Variants in MGAT4C observed in about 807,000 individuals in gnomAD.
The protein encoded by MGAT4C is alpha-1,3-mannosyl-glycoprotein 4-beta-N-acetylglucosaminyltransferase C.
MGAT4C carries 19 observed loss-of-function variants against 40.1 expected under a neutral mutation model. The ratio of observed to expected loss-of-function variants is 0.47; its 90% CI spans 0.33 to 0.70. MGAT4C has a LOEUF of 0.70. Among genes scored for constraint, MGAT4C ranks in the 30% least tolerant of loss-of-function variants. The probability of loss-of-function intolerance (pLI) is 0.02; values close to 1 mark genes in which losing one functional copy is unlikely to be tolerated. For synonymous variants in MGAT4C, 181 were observed against 187.1 expected, an observed-to-expected ratio of 0.97 and a Z score of 0.27; for missense variants, 491 against 563.2, an observed-to-expected ratio of 0.87 and a Z score of 1.30.
intron 1 of MGAT4C, among the ~76,000 whole-genome samples, chr12:86,230,819 G>A (rs1951286068): frequency 6.6e-6 from 1 of 151,630 alleles, no homozygotes; most frequent in Non-Finnish European, 1.5e-5. Flanking sequence ...TTTGTAGCAA[G>A]GATGACTCTG....
At chr12:86,554,742 T>G (rs1284398617) in intron 2 of MGAT4C, among the ~76,000 whole-genome samples, 2 of 152,212 alleles carry the variant, frequency 1.3e-5, no homozygotes, top group Non-Finnish European at 2.9e-5. Flanking sequence ...ATTTCTATAT[T>G]AGCTTTCTAT....
chr12:86,820,263 G>C (rs1003586888), intron 1 of MGAT4C, among the ~76,000 whole-genome samples: 1 of 150,572 alleles, frequency 6.6e-6, no homozygotes, highest in Non-Finnish European at 1.5e-5. Flanking sequence ...TATTTCAAAG[G>C]TTATTTCTTA....
intron 3 of MGAT4C, among the ~76,000 whole-genome samples, chr12:86,404,222 G>A (rs998277711): frequency 1.3e-5 from 2 of 152,070 alleles, no homozygotes; most frequent in Non-Finnish European, 2.9e-5. Flanking sequence ...CTTGGTGCAA[G>A]AGCATTTAAT....
chr12:86,490,224 C>T (rs1958106199), intron 2 of MGAT4C, among the ~76,000 whole-genome samples: 2 of 152,138 alleles, frequency 1.3e-5, no homozygotes, highest in Admixed American at 1.3e-4. Context: ...CAGCGGATCT[C>T]TCGGCAGAAA....
chr12:86,777,949 T>C (rs1471966942), intron 1 of MGAT4C, among the ~76,000 whole-genome samples: 1 of 152,170 alleles, frequency 6.6e-6, no homozygotes, highest in Non-Finnish European at 1.5e-5. Flanking sequence ...ATAATGATAA[T>C]AAATATATTT....
intron 2 of MGAT4C, among the ~76,000 whole-genome samples, chr12:85,998,954 C>T (rs1425954835): frequency 6.6e-6 from 1 of 152,106 alleles, no homozygotes; most frequent in Non-Finnish European, 1.5e-5. Context: ...TTTCACAGTG[C>T]TGATAAAGAC....
At chr12:86,199,533 GT>G (rs1353320947) in intron 1 of MGAT4C, among the ~76,000 whole-genome samples, 2 of 151,942 alleles carry the variant, frequency 1.3e-5, no homozygotes, top group Admixed American at 6.6e-5. Context: ...TAATGTGTGT[GT>G]TTTTTATGTG....
At chr12:86,131,485 A>C (rs1370357704) in intron 1 of MGAT4C, among the ~76,000 whole-genome samples, 1 of 152,122 alleles carries the variant, frequency 6.6e-6, no homozygotes, top group Non-Finnish European at 1.5e-5. Flanking sequence ...TGATCTACAA[A>C]GGGGTATTTT....
At chr12:86,445,889 G>A (rs1427726077) in intron 2 of MGAT4C, among the ~76,000 whole-genome samples, 1 of 152,086 alleles carries the variant, frequency 6.6e-6, no homozygotes, top group East Asian at 1.9e-4. Flanking sequence ...GGTAGACTGA[G>A]TTTAATAACT....
In MGAT4C at chr12:85,956,106, A is replaced by G. The variant is rs899895850; in HGVS notation, c.*23183T>C. 1 of 152,228 alleles carries G rather than the reference A, an allele frequency of 6.6e-6. No homozygotes were observed. The highest frequency in any genetic ancestry group is 1.5e-5 in the Non-Finnish European group (1 of 68,026). The allele number at this position is 152,228 out of a possible 1,614,324, so 9.4% of individuals were successfully genotyped here. ...CGACTGAAATCACTCTTTCAATAAC[A>G]AAAGATATATTTGTATGGTAGCTAG... On this transcript the variant is annotated 3_prime_UTR_variant, in exon 5 of 5. Coordinates refer to ENST00000611864, the MANE Select transcript of MGAT4C (RefSeq NM_001351288.2).
At chr12:86,221,577 G>C (rs1273667449) in intron 1 of MGAT4C, among the ~76,000 whole-genome samples, 4 of 152,102 alleles carry the variant, frequency 2.6e-5, no homozygotes, top group African/African-American at 9.7e-5. Context: ...TGCAATCTAA[G>C]TTAGTATATA....
At chr12:86,364,046 A>G (rs1955540456) in intron 3 of MGAT4C, among the ~76,000 whole-genome samples, 1 of 151,974 alleles carries the variant, frequency 6.6e-6, no homozygotes, top group Admixed American at 6.6e-5. Context: ...CTCTATCTGT[A>G]AAACCAATTG....
chr12:86,445,833 T>G (rs1957324393), intron 2 of MGAT4C, among the ~76,000 whole-genome samples: 1 of 152,158 alleles, frequency 6.6e-6, no homozygotes, highest in Non-Finnish European at 1.5e-5. Flanking sequence ...CAAAAATGGT[T>G]ACATTTTATT....
intron 1 of MGAT4C, among the ~76,000 whole-genome samples, chr12:86,098,492 T>C (rs946306856): frequency 2.0e-5 from 3 of 151,668 alleles, no homozygotes; most frequent in African/African-American, 7.2e-5. Flanking sequence ...CTTCTTTTTG[T>C]GCATTGTTTC....
At chr12:86,597,917 C>A (rs1180775423) in intron 2 of MGAT4C, among the ~76,000 whole-genome samples, 1 of 152,110 alleles carries the variant, frequency 6.6e-6, no homozygotes, top group African/African-American at 2.4e-5. Context: ...TGTAATGGGG[C>A]TGTTACTGTG....
At chr12:86,423,102 C>A (rs1014448519) in intron 3 of MGAT4C, among the ~76,000 whole-genome samples, 1 of 152,032 alleles carries the variant, frequency 6.6e-6, no homozygotes, top group Non-Finnish European at 1.5e-5. Flanking sequence ...ATTTGTTTTG[C>A]AACTCTTTCT....
At chr12:86,089,324 T>C (rs1205422715) in intron 1 of MGAT4C, among the ~76,000 whole-genome samples, 3 of 151,952 alleles carry the variant, frequency 2.0e-5, no homozygotes, top group Non-Finnish European at 4.4e-5. Flanking sequence ...GTATCCTCTA[T>C]CTGTTAATAC....
rs11418542 is a variant in MGAT4C, at chr12:86,744,607, TA to T, written c.-261-17367del. Reference sequence around the variant, plus strand: ...GCTCTCAGCACTTCTCATAATGAGGTAAAAAAAAAATCACAAGTGATTTAGA... The same window carrying T: ...GCTCTCAGCACTTCTCATAATGAGGTAAAAAAAAATCACAAGTGATTTAGA... On this transcript the variant is annotated intron_variant, in intron 1 of 7. Coordinates refer to the MGAT4C transcript ENST00000548651. 3.6e-3 allele frequency among the ~76,000 whole-genome samples: 534 copies of T among 149,768 alleles called. 2 individuals carry two copies. The highest frequency in any genetic ancestry group is 0.012 in the African/African-American group (506 of 40,916).
chr12:86,216,390 A>C (rs1385074326), intron 1 of MGAT4C, among the ~76,000 whole-genome samples: 1 of 152,234 alleles, frequency 6.6e-6, no homozygotes, highest in Non-Finnish European at 1.5e-5. Context: ...AGAAAATCTT[A>C]AGTTTCTTGA....
Sources: allele counts gnomAD v4.1 joint callset (sites outside exome capture counted in the v4.1 genomes callset), GRCh38; gene constraint gnomAD v4.1.1; transcripts MANE v1.5; gene names NCBI Gene and HGNC (gene_info 2026-07-23, HGNC 2026-07-21).